SLC17A1: variants seen among roughly 807,000 people sequenced by gnomAD.
SLC17A1 encodes the protein solute carrier family 17 member 1, also known as sodium-dependent phosphate transport protein 1.
SLC17A1 carries 51 observed loss-of-function variants against 53.5 expected under a neutral mutation model. The ratio of observed to expected loss-of-function variants is 0.95; its 90% CI spans 0.76 to 1.20. The LOEUF is 1.20. Among genes scored for constraint, SLC17A1 ranks in the 50% most tolerant of loss-of-function variants. The probability of loss-of-function intolerance (pLI) is 0.00; values close to 1 mark genes in which losing one functional copy is unlikely to be tolerated. For synonymous variants in SLC17A1, 179 were observed against 198.8 expected (o/e 0.90, Z 0.84); for missense variants, 538 against 568.2 (o/e 0.95, Z 0.54).
Position 25,819,088 on chromosome 6 carries a change from G to A in SLC17A1, c.596C>T (p.Pro199Leu), listed in dbSNP as rs893650977. ...TGVICESLGWPMVFYIFGACG... is the reference protein window; with the variant it reads ...TGVICESLGWLMVFYIFGACG... Reference sequence around the variant, plus strand: ...CTCACCAAAAATATAGAAGACCATGGGCCAGCCCAGAGATTCACAGATAAC... The same window carrying A: ...CTCACCAAAAATATAGAAGACCATGAGCCAGCCCAGAGATTCACAGATAAC... The change falls in exon 6 of 13, where the codon CCC (proline) becomes CTC (leucine). Residue 199 changes from proline (P) to leucine (L), a missense_variant. Transcript: ENST00000244527. 11 of 1,606,636 alleles carry A rather than the reference G, an allele frequency of 6.8e-6. No individual in the cohort carries two copies. The highest frequency in any genetic ancestry group is 8.5e-6 in the Non-Finnish European group (10 of 1,177,560).
chr6:25,730,668 CAT>C, the SLC17A1 span, among the ~76,000 whole-genome samples: 410 of 152,234 alleles, frequency 2.7e-3, 2 homozygotes, highest in Non-Finnish European at 4.7e-3. Flanking sequence ...TGGGGTAATG[CAT>C]ATGTTAATTA....
chr6:25,773,492 T>C, the SLC17A1 span: 2 of 1,613,546 alleles, frequency 1.2e-6, no homozygotes, highest in Non-Finnish European at 1.7e-6. Flanking sequence ...GGAGGGGACA[T>C]TGATGTGTGC....
At chr6:25,813,039 C>T (rs372040333) in intron 7 of SLC17A1, 47 bp from the exon 8 acceptor site, 1 of 1,610,882 alleles carries the variant, frequency 6.2e-7, no homozygotes. Context: ...CAAACTGGAA[C>T]ATGTTTAGTT....
chr6:25,818,544 T>C (rs2151498892), intron 6 of SLC17A1, among the ~76,000 whole-genome samples: 1 of 152,354 alleles, frequency 6.6e-6, no homozygotes, highest in Admixed American at 6.5e-5. Context: ...ATGGACATAA[T>C]AGAACCTATC....
chr6:25,726,565 T>A, the SLC17A1 span: 6 of 1,577,570 alleles, frequency 3.8e-6, no homozygotes, highest in South Asian at 1.2e-5. Context: ...AGAACCACAT[T>A]TCTAGGGCTG....
chr6:25,820,174 G>C (rs1764504156), intron 3 of SLC17A1, among the ~76,000 whole-genome samples: 2 of 152,136 alleles, frequency 1.3e-5, no homozygotes, highest in South Asian at 4.1e-4. Context: ...TCACAGCATA[G>C]ACATTTAATG....
chr6:25,807,910 T>C (rs908797221), intron 10 of SLC17A1, among the ~76,000 whole-genome samples: 3 of 152,124 alleles, frequency 2.0e-5, no homozygotes, highest in Non-Finnish European at 4.4e-5. Context: ...CAATTGCGAA[T>C]TGTGCTGCTA....
chr6:25,754,621 A>G, the SLC17A1 span: 1 of 152,216 alleles, frequency 6.6e-6, no homozygotes, highest in Non-Finnish European at 1.5e-5. Flanking sequence ...AATAAAATGT[A>G]AAGTTAAAAA....
At chr6:25,734,352 C>G in the SLC17A1 span, among the ~76,000 whole-genome samples, 13 of 151,986 alleles carry the variant, frequency 8.6e-5, no homozygotes, top group African/African-American at 3.1e-4. Flanking sequence ...ATAGAAATTG[C>G]TTAAATTAAA....
At chr6:25,733,483 T>A in the SLC17A1 span, among the ~76,000 whole-genome samples, 1 of 152,118 alleles carries the variant, frequency 6.6e-6, no homozygotes, top group Non-Finnish European at 1.5e-5. Flanking sequence ...AATTCTAGGA[T>A]GGTTATATGT....
intron 6 of SLC17A1, among the ~76,000 whole-genome samples, chr6:25,813,745 G>C (rs1009116420): frequency 6.6e-6 from 1 of 152,144 alleles, no homozygotes. Context: ...CCCAGTGGTA[G>C]AAGGTGTTCC....
intron 3 of SLC17A1, among the ~76,000 whole-genome samples, chr6:25,824,081 A>T (rs2151505023): frequency 6.6e-6 from 1 of 152,168 alleles, no homozygotes; most frequent in African/African-American, 2.4e-5. Context: ...ACATGTACAA[A>T]AAGTAATTCA....
chr6:25,770,258 G>A, the SLC17A1 span: 2 of 1,614,078 alleles, frequency 1.2e-6, no homozygotes, highest in Admixed American at 3.3e-5. Context: ...ATGCGGGAGT[G>A]GCCTTGCTCA....
At chr6:25,723,794 C>T in the SLC17A1 span, among the ~76,000 whole-genome samples, 1 of 152,106 alleles carries the variant, frequency 6.6e-6, no homozygotes, top group African/African-American at 2.4e-5. Flanking sequence ...CAGAGGAAGG[C>T]TGTTGGGGGG....
the SLC17A1 span, chr6:25,769,151 G>A: frequency 1.4e-5 from 22 of 1,613,992 alleles, no homozygotes; most frequent in South Asian, 2.1e-4. Flanking sequence ...CTGACTCCCA[G>A]GGCTACTGGA....
chr6:25,772,730 A>C, the SLC17A1 span, among the ~76,000 whole-genome samples: 1 of 152,260 alleles, frequency 6.6e-6, no homozygotes, highest in Admixed American at 6.5e-5. Flanking sequence ...GATGAAAGGA[A>C]CTCTGCAAAG....
chr6:25,726,449 G>A, the SLC17A1 span: 6 of 1,613,862 alleles, frequency 3.7e-6, no homozygotes, highest in African/African-American at 4.0e-5. Context: ...CGGCCTACGG[G>A]AAACTGCAAA....
chr6:25,814,965 G>A (rs1581482876), intron 6 of SLC17A1, among the ~76,000 whole-genome samples: 1 of 148,258 alleles, frequency 6.7e-6, no homozygotes, highest in Admixed American at 6.8e-5. Context: ...CAGGCTGGCC[G>A]ACAAAAGCAA....
chr6:25,770,532 G>A, the SLC17A1 span: 1 of 1,485,468 alleles, frequency 6.7e-7, no homozygotes, highest in Non-Finnish European at 9.4e-7. Flanking sequence ...GCAAAGTCCT[G>A]CCAACAGAAC....
Sources: allele counts gnomAD v4.1 joint callset (sites outside exome capture counted in the v4.1 genomes callset), GRCh38; gene constraint gnomAD v4.1.1; transcripts MANE v1.5; gene names NCBI Gene and HGNC (gene_info 2026-07-23, HGNC 2026-07-21).